Variants in UBE2G1 observed in about 807,000 individuals in gnomAD.
The protein encoded by UBE2G1 is ubiquitin-conjugating enzyme E2 G1.
A neutral mutation model predicts 22.7 loss-of-function variants in UBE2G1; 5 were observed. That is an observed-to-expected ratio of 0.22 (90% CI 0.12 to 0.46). The LOEUF is 0.46. UBE2G1 is among the 20% of genes least tolerant of loss of function. The pLI, the probability that UBE2G1 is intolerant of heterozygous loss-of-function variation, is 0.99. For synonymous variants in UBE2G1, 74 were observed against 67.5 expected (o/e 1.10, Z -0.47); for missense variants, 88 against 203.9 (o/e 0.43, Z 3.46).
intron 5 of UBE2G1, among the ~76,000 whole-genome samples, chr17:4,273,387 C>T (rs762996238): frequency 1.3e-5 from 2 of 152,102 alleles, no homozygotes; most frequent in African/African-American, 2.4e-5. Context: ...CCACTCTGTC[C>T]CTCATGCTGG....
At chr17:4,342,843 T>G (rs544155037) in intron 1 of UBE2G1, among the ~76,000 whole-genome samples, 10 of 152,120 alleles carry the variant, frequency 6.6e-5, no homozygotes, top group African/African-American at 2.4e-4. Context: ...AATCCTTACC[T>G]GTAAAAAATC....
At position 4,334,227 on chromosome 17, in the gene UBE2G1, C is replaced by G. The variant is rs575094860; in HGVS notation, c.47-27104G>C. 8.1e-4 allele frequency among the ~76,000 whole-genome samples: 123 copies of G among 151,388 alleles called. 1 individual carries two copies. The highest frequency in any genetic ancestry group is 5.7e-4 in the Non-Finnish European group (39 of 67,892). On this transcript the variant is annotated intron_variant, in intron 1 of 5. Transcript: ENST00000396981. ...CAGGCATAAGCCACCATGCAAGGTA[C>G]ATTTCCATTATATTTTTCTAGCACA...
chr17:4,328,850 G>A (rs1289046218), intron 1 of UBE2G1, among the ~76,000 whole-genome samples: 1 of 152,196 alleles, frequency 6.6e-6, no homozygotes, highest in African/African-American at 2.4e-5. Flanking sequence ...ACTTTGGGAG[G>A]CCGGGGCGGG....
At chr17:4,352,977 A>C (rs1281561961) in intron 1 of UBE2G1, among the ~76,000 whole-genome samples, 4 of 152,102 alleles carry the variant, frequency 2.6e-5, no homozygotes, top group African/African-American at 9.7e-5. Flanking sequence ...CCAGCACTTT[A>C]GGAGGGTGAG....
chr17:4,272,930 T>G (rs1188295937), intron 5 of UBE2G1, among the ~76,000 whole-genome samples: 1 of 152,216 alleles, frequency 6.6e-6, no homozygotes, highest in African/African-American at 2.4e-5. Context: ...AAAAGCCAAG[T>G]GATTTGGAAA....
At chr17:4,343,675 G>A (rs1369240513) in intron 1 of UBE2G1, among the ~76,000 whole-genome samples, 2 of 151,208 alleles carry the variant, frequency 1.3e-5, no homozygotes, top group African/African-American at 2.4e-5. Context: ...TGCAAGCTCC[G>A]CCTCCTGGGT....
intron 4 of UBE2G1, among the ~76,000 whole-genome samples, chr17:4,283,134 A>G (rs1968914259): frequency 6.6e-6 from 1 of 152,224 alleles, no homozygotes; most frequent in Admixed American, 6.5e-5. Context: ...CCTCTACATT[A>G]AAAATTATCT....
intron 5 of UBE2G1, among the ~76,000 whole-genome samples, chr17:4,275,348 C>T (rs966029520): frequency 5.3e-5 from 8 of 152,198 alleles, no homozygotes; most frequent in African/African-American, 1.9e-4. Context: ...ATAAATGGTG[C>T]TGACTTGCAA....
At chr17:4,338,542 C>A (rs939677725) in intron 1 of UBE2G1, among the ~76,000 whole-genome samples, 21 of 152,314 alleles carry the variant, frequency 1.4e-4, no homozygotes, top group East Asian at 5.8e-4. Context: ...AAAGGTAATT[C>A]TTTTATTAAA....
chr17:4,272,875 T>A (rs1968777102), intron 5 of UBE2G1, among the ~76,000 whole-genome samples: 1 of 152,220 alleles, frequency 6.6e-6, no homozygotes, highest in Admixed American at 6.5e-5. Context: ...ATACTTCAAA[T>A]GTCTTTCAAC....
intron 1 of UBE2G1, among the ~76,000 whole-genome samples, chr17:4,352,647 T>G (rs764810331): frequency 2.0e-5 from 3 of 152,120 alleles, no homozygotes; most frequent in Non-Finnish European, 4.4e-5. Flanking sequence ...CATGACAGAG[T>G]TGTTCATTAA....
intron 1 of UBE2G1, among the ~76,000 whole-genome samples, chr17:4,366,034 C>T (rs1042863469): frequency 2.6e-5 from 4 of 152,080 alleles, no homozygotes; most frequent in Admixed American, 2.0e-4. Flanking sequence ...TCTCCGACCC[C>T]CCGGGCGCCA....
intron 1 of UBE2G1, among the ~76,000 whole-genome samples, chr17:4,311,125 G>A (rs1322493121): frequency 6.6e-6 from 1 of 152,182 alleles, no homozygotes; most frequent in Non-Finnish European, 1.5e-5. Flanking sequence ...ACTCGGGGAG[G>A]CTGAGGTGGG....
chr17:4,302,949 G>A (rs551279810), intron 2 of UBE2G1, among the ~76,000 whole-genome samples: 8 of 152,280 alleles, frequency 5.3e-5, no homozygotes, highest in African/African-American at 7.2e-5. Flanking sequence ...AACTGCTCTG[G>A]AACATCCAGG....
intron 1 of UBE2G1, among the ~76,000 whole-genome samples, chr17:4,325,192 T>C (rs1357401024): frequency 6.6e-6 from 1 of 152,136 alleles, no homozygotes; most frequent in African/African-American, 2.4e-5. Context: ...TTCTGTATGA[T>C]ACTATAATGG....
chr17:4,297,267 G>GATAT (rs1166227969), intron 2 of UBE2G1, among the ~76,000 whole-genome samples: 2 of 152,078 alleles, frequency 1.3e-5, no homozygotes, highest in Admixed American at 1.3e-4. Context: ...TCTAGGAATA[G>GATAT]ATATATTGCC....
chr17:4,335,898 C>A (rs969406081), intron 1 of UBE2G1, among the ~76,000 whole-genome samples: 1 of 152,172 alleles, frequency 6.6e-6, no homozygotes, highest in Non-Finnish European at 1.5e-5. Context: ...ATAATCCCAG[C>A]ACTTTGGGAG....
intron 1 of UBE2G1, among the ~76,000 whole-genome samples, chr17:4,365,321 C>A (rs953624174): frequency 3.3e-5 from 5 of 152,254 alleles, no homozygotes; most frequent in Non-Finnish European, 5.9e-5. Flanking sequence ...CCGCCTCCCC[C>A]CTTCCACTCC....
rs886448787 is a variant in UBE2G1, at chr17:4,366,592, A to C, written c.-276T>G. Reference sequence around the variant, plus strand: ...CTTCGCTCGCCCGCTTCCCTCCTTCAACCCGCCCGTCGGCCCCACCGGTGC... The same window carrying C: ...CTTCGCTCGCCCGCTTCCCTCCTTCCACCCGCCCGTCGGCCCCACCGGTGC... On this transcript the variant is annotated 5_prime_UTR_variant, in exon 1 of 6. Coordinates refer to ENST00000396981, the MANE Select transcript of UBE2G1 (RefSeq NM_003342.5). The C allele has an allele frequency of 1.4e-5, 5 of 348,722 alleles. No individual in the cohort carries two copies. The highest frequency in any genetic ancestry group is 1.6e-5 in the Non-Finnish European group (3 of 192,092). The allele number at this position is 348,722 out of a possible 1,614,324, so 21.6% of individuals were successfully genotyped here.
Sources: allele counts gnomAD v4.1 joint callset (sites outside exome capture counted in the v4.1 genomes callset), GRCh38; gene constraint gnomAD v4.1.1; transcripts MANE v1.5; gene names NCBI Gene and HGNC (gene_info 2026-07-23, HGNC 2026-07-21).